Variants in RNF43 observed in about 807,000 individuals in gnomAD.
RNF43 encodes the protein E3 ubiquitin-protein ligase RNF43.
A neutral mutation model predicts 78.4 loss-of-function variants in RNF43; 37 were observed. The observed-to-expected ratio is 0.47, with a 90% confidence interval of 0.36 to 0.62. The LOEUF (loss-of-function observed/expected upper bound fraction) is 0.62. Ranked by LOEUF, RNF43 falls within the 20% of genes least tolerant of loss-of-function variation. RNF43 has a pLI of 0.00. For missense variants in RNF43, 774 were observed against 1,007.9 expected, an observed-to-expected ratio of 0.77 and a Z score of 3.14; for synonymous variants, 347 against 395.0, an observed-to-expected ratio of 0.88 and a Z score of 1.44.
In RNF43 at chr17:58,417,135, C is replaced by G. The variant is rs1974143020; in HGVS notation, c.-504G>C. On this transcript the variant is annotated 5_prime_UTR_variant, in exon 1 of 10. Transcript: ENST00000407977. ...AACCAAGTACAGCTCATTCTTCCAC[C>G]TTCTTACTCTGCAACCAAACCAAGT... 6.6e-6 allele frequency: 1 copy of G among 152,306 alleles called. No individual in the cohort carries two copies. Among genetic ancestry groups the G allele is most frequent in the African/African-American group, 2.4e-5 (1 of 41,558 alleles). 9.4% of individuals were successfully genotyped at this position (152,306 alleles called of 1,614,324 possible).
At chr17:58,394,163 A>C (rs1264730302) in intron 2 of RNF43, among the ~76,000 whole-genome samples, 1 of 152,226 alleles carries the variant, frequency 6.6e-6, no homozygotes, top group Non-Finnish European at 1.5e-5. Context: ...GAAAGACAAG[A>C]GTTCAGTTTG....
chr17:58,361,581 G>C (rs1042354553), intron 6 of RNF43, among the ~76,000 whole-genome samples: 3 of 152,106 alleles, frequency 2.0e-5, no homozygotes, highest in African/African-American at 7.2e-5. Context: ...ACAACAGCAG[G>C]AATGATCATA....
intron 2 of RNF43, among the ~76,000 whole-genome samples, chr17:58,392,870 A>G (rs2143609417): frequency 6.6e-6 from 1 of 152,324 alleles, no homozygotes; most frequent in South Asian, 2.1e-4. Flanking sequence ...CACCCTGTGT[A>G]GTGGGGCATA....
chr17:58,406,241 G>A (rs1973910051), intron 2 of RNF43, among the ~76,000 whole-genome samples: 1 of 152,186 alleles, frequency 6.6e-6, no homozygotes, highest in African/African-American at 2.4e-5. Context: ...TGTTCAGGGG[G>A]AAATCTCTGC....
chr17:58,397,553 C>T (rs954059503), intron 2 of RNF43, among the ~76,000 whole-genome samples: 1 of 151,894 alleles, frequency 6.6e-6, no homozygotes, highest in Non-Finnish European at 1.5e-5. Context: ...ATGCCAACTA[C>T]TCAGGAGGCT....
intron 2 of RNF43, among the ~76,000 whole-genome samples, chr17:58,392,702 T>G (rs1355214675): frequency 6.6e-6 from 1 of 152,236 alleles, no homozygotes; most frequent in Non-Finnish European, 1.5e-5. Flanking sequence ...ACAAGAAACT[T>G]TGGCAACAAT....
chr17:58,404,650 T>G (rs1973869343), intron 2 of RNF43, among the ~76,000 whole-genome samples: 1 of 152,206 alleles, frequency 6.6e-6, no homozygotes, highest in Admixed American at 6.5e-5. Context: ...TAACACACAT[T>G]TATGACTAAA....
chr17:58,354,891 G>A lies in RNF43; in HGVS notation c.*52C>T. 1 of 1,541,448 alleles carries A rather than the reference G, an allele frequency of 6.5e-7. No homozygotes were observed. Among genetic ancestry groups the A allele is most frequent in the Non-Finnish European group, 9.0e-7 (1 of 1,113,832 alleles). ...CAGGAGCAGGACTCTGTGCCAGGTA[G>A]GGCCCAAACACATCTGGAGCACACT... is the stretch of plus-strand genomic sequence containing the variant. On this transcript the variant is annotated 3_prime_UTR_variant, in exon 10 of 10. Transcript: ENST00000407977.
intron 2 of RNF43, among the ~76,000 whole-genome samples, chr17:58,399,622 A>G (rs977989792): frequency 5.3e-5 from 8 of 152,028 alleles, no homozygotes; most frequent in Non-Finnish European, 1.2e-4. Context: ...CATTCTGAGC[A>G]ACTGTCCCAG....
At chr17:58,416,608 A>G (rs996496752) in intron 1 of RNF43, 1 of 152,244 alleles carries the variant, frequency 6.6e-6, no homozygotes, top group Non-Finnish European at 1.5e-5. Flanking sequence ...GGTTCATAAG[A>G]AAAACAAAGG....
chr17:58,369,035 C>T (rs1239774220), intron 3 of RNF43, among the ~76,000 whole-genome samples: 1 of 152,050 alleles, frequency 6.6e-6, no homozygotes, highest in East Asian at 1.9e-4. Context: ...AGCAAAGCTT[C>T]TCGGAATCCT....
At chr17:58,391,622 C>G (rs1306073596) in intron 2 of RNF43, among the ~76,000 whole-genome samples, 1 of 152,198 alleles carries the variant, frequency 6.6e-6, no homozygotes, top group Admixed American at 6.5e-5. Flanking sequence ...GTCGTTTGAA[C>G]TGTTTACAGG....
chr17:58,386,494 AT>A (rs1356554191), intron 2 of RNF43, among the ~76,000 whole-genome samples: 1 of 152,226 alleles, frequency 6.6e-6, no homozygotes, highest in Non-Finnish European at 1.5e-5. Flanking sequence ...GAAGTAACAT[AT>A]TTAAAGTACC....
In RNF43 at chr17:58,396,179, C is replaced by T. The variant is rs61269513; in HGVS notation, c.252+19147G>A. ...AAAATCCCAACCTAAAAAAGACCAA[C>T]GTGATATGGAGGATACAGAAATGAT... On this transcript the variant is annotated intron_variant, in intron 2 of 9. Transcript: ENST00000407977. Among the ~76,000 whole-genome samples, 596 of 152,172 alleles carry T rather than the reference C, an allele frequency of 3.9e-3. 3 individuals carry two copies. The highest frequency in any genetic ancestry group is 0.013 in the African/African-American group (558 of 41,504).
chr17:58,364,590 C>T (rs918638893), intron 3 of RNF43, among the ~76,000 whole-genome samples: 2 of 152,182 alleles, frequency 1.3e-5, no homozygotes, highest in Non-Finnish European at 2.9e-5. Context: ...TGGCCTGGGG[C>T]CTCCCGGCCT....
At position 58,409,457 on chromosome 17, in the gene RNF43, T is replaced by TA. The variant is rs1206492879; in HGVS notation, c.252+5868dup. 2.0e-5 allele frequency among the ~76,000 whole-genome samples: 3 copies of TA among 152,266 alleles called. No individual in the cohort carries two copies. In the East Asian group the frequency reaches 5.8e-4, roughly 29 times the overall value. ...AAGGGATAAAAGGGAAAAAAACATT[T>TA]AAAAAATCCAATAAACTCTTTCCAA... On this transcript the variant is annotated intron_variant, in intron 2 of 9. Transcript: ENST00000407977.
At chr17:58,383,166 T>C (rs971934027) in intron 2 of RNF43, among the ~76,000 whole-genome samples, 4 of 152,350 alleles carry the variant, frequency 2.6e-5, no homozygotes, top group African/African-American at 9.6e-5. Context: ...TCACTCTGGA[T>C]AATATTCCAT....
chr17:58,376,315 C>G (rs1444521181), intron 2 of RNF43, among the ~76,000 whole-genome samples: 1 of 151,910 alleles, frequency 6.6e-6, no homozygotes, highest in African/African-American at 2.4e-5. Flanking sequence ...GAGAAGTGCC[C>G]TTGAAAACAA....
intron 2 of RNF43, among the ~76,000 whole-genome samples, chr17:58,398,344 G>A (rs1973726956): frequency 6.6e-6 from 1 of 152,124 alleles, no homozygotes; most frequent in Non-Finnish European, 1.5e-5. Context: ...AAGAGACTGG[G>A]CTAAACTTAC....
Sources: gnomAD v4.1 joint callset for allele counts (sites outside exome capture counted in the v4.1 genomes callset) on GRCh38, gnomAD v4.1.1 for gene constraint, MANE v1.5 for transcripts, NCBI Gene and HGNC (gene_info 2026-07-23, HGNC 2026-07-21) for gene names.